The following ANOS1 variants were observed in gnomAD, a reference collection of about 807,000 sequenced individuals.
The protein encoded by ANOS1 is anosmin-1.
ANOS1 carries 6 observed loss-of-function variants against 59.0 expected under a neutral mutation model. That is an observed-to-expected ratio of 0.10 (90% CI 0.06 to 0.20). The LOEUF is 0.20. ANOS1 is among the 10% of genes least tolerant of loss of function. ANOS1 has a pLI of 1.00. For missense variants in ANOS1, 433 were observed against 542.3 expected (o/e 0.80, Z 2.00); for synonymous variants, 217 against 223.4 (o/e 0.97, Z 0.25).
chrX:8,540,198 C>CT (rs35088035), intron 9 of ANOS1, among the ~76,000 whole-genome samples: 184 of 110,239 alleles, frequency 1.7e-3, no homozygotes, highest in African/African-American at 5.3e-3. Context: ...TCAATCCTAC[C>CT]TTTTTTTTTG....
intron 2 of ANOS1, among the ~76,000 whole-genome samples, chrX:8,666,413 G>C (rs1178503156): frequency 9.0e-6 from 1 of 111,200 alleles, no homozygotes; most frequent in Non-Finnish European, 1.9e-5. Context: ...TCCCCAACCA[G>C]TATTAGATTA....
intron 2 of ANOS1, among the ~76,000 whole-genome samples, chrX:8,677,007 C>T (rs1283394473): frequency 8.9e-6 from 1 of 111,921 alleles, no homozygotes; most frequent in Non-Finnish European, 1.9e-5. Context: ...TCGCCTGAGA[C>T]CACACTGCCT....
chrX:8,605,322 G>T (rs1309266494), intron 3 of ANOS1, among the ~76,000 whole-genome samples: 1 of 111,084 alleles, frequency 9.0e-6, no homozygotes, highest in Admixed American at 9.7e-5. Context: ...AGAGCATGAA[G>T]ACAAGGTAGT....
At chrX:8,671,165 A>G (rs1034855791) in intron 2 of ANOS1, among the ~76,000 whole-genome samples, 1 of 111,687 alleles carries the variant, frequency 9.0e-6, no homozygotes, top group African/African-American at 3.3e-5. Context: ...TATACAGAAT[A>G]TAAAAGACTT....
intron 8 of ANOS1, among the ~76,000 whole-genome samples, chrX:8,563,313 C>T (rs1451220154): frequency 8.9e-6 from 1 of 112,369 alleles, no homozygotes; most frequent in Non-Finnish European, 1.9e-5. Context: ...AATTGGTCAG[C>T]TAAAGTATTA....
At chrX:8,631,425 C>T (rs1022629006) in intron 2 of ANOS1, among the ~76,000 whole-genome samples, 1 of 107,404 alleles carries the variant, frequency 9.3e-6, no homozygotes, top group Admixed American at 1.0e-4. Context: ...TACAAGCAAA[C>T]GTCAAAGATA....
intron 2 of ANOS1, among the ~76,000 whole-genome samples, chrX:8,673,962 C>G (rs1392895388): frequency 9.0e-6 from 1 of 111,102 alleles, no homozygotes; most frequent in Non-Finnish European, 1.9e-5. Flanking sequence ...ACACTAAGCT[C>G]TTTATCCCAG....
chrX:8,644,424 G>T (rs749744435), intron 2 of ANOS1, among the ~76,000 whole-genome samples: 12 of 109,011 alleles, frequency 1.1e-4, no homozygotes, highest in African/African-American at 4.0e-4. Context: ...GTAGCAATAA[G>T]ATACCCAACT....
intron 1 of ANOS1, among the ~76,000 whole-genome samples, chrX:8,726,979 A>C (rs1932926150): frequency 8.9e-6 from 1 of 112,080 alleles, no homozygotes; most frequent in African/African-American, 3.2e-5. Context: ...GCCACTCCAA[A>C]GTAGGTTTAA....
intron 6 of ANOS1, among the ~76,000 whole-genome samples, chrX:8,575,413 T>G (rs1930303837): frequency 8.9e-6 from 1 of 111,975 alleles, no homozygotes; most frequent in South Asian, 3.7e-4. Flanking sequence ...GTCACATGAA[T>G]ATTGCAGATA....
intron 1 of ANOS1, among the ~76,000 whole-genome samples, chrX:8,704,012 T>C (rs1410250668): frequency 1.8e-5 from 2 of 110,598 alleles, no homozygotes; most frequent in Non-Finnish European, 3.8e-5. Context: ...GGTAATTGAA[T>C]CATGGGGGCG....
intron 1 of ANOS1, among the ~76,000 whole-genome samples, chrX:8,729,482 G>T (rs1222903446): frequency 1.6e-4 from 14 of 84,993 alleles, no homozygotes; most frequent in Non-Finnish European, 2.8e-4. Flanking sequence ...CACTGCAACC[G>T]CTGCCTCCCG....
chrX:8,571,434 T>C (rs189080477), intron 6 of ANOS1, among the ~76,000 whole-genome samples: 2 of 111,860 alleles, frequency 1.8e-5, no homozygotes, highest in East Asian at 5.6e-4. Context: ...TAAAAGCAAT[T>C]GTTTTCATCT....
intron 6 of ANOS1, among the ~76,000 whole-genome samples, chrX:8,579,330 T>G (rs1209524004): frequency 9.0e-6 from 1 of 111,372 alleles, no homozygotes; most frequent in Non-Finnish European, 1.9e-5. Context: ...TGAACAATAA[T>G]GTAAAGCTCG....
At chrX:8,609,997 A>G (rs763207947) in intron 3 of ANOS1, among the ~76,000 whole-genome samples, 2 of 74,812 alleles carry the variant, frequency 2.7e-5, no homozygotes, top group African/African-American at 1.1e-4. Flanking sequence ...ACAGAGCAAG[A>G]CTCCATCTCA....
At position 8,641,248 on chromosome X, in the gene ANOS1, A is replaced by G. The variant is rs751221630; in HGVS notation, c.256-17578T>C. 2.7e-5 allele frequency among the ~76,000 whole-genome samples: 3 copies of G among 112,078 alleles called. No individual in the cohort carries two copies. The East Asian group carries it at 8.3e-4, about 31-fold the overall frequency. ...GACAGACACACACATGCATGCACAT[A>G]CACACAGCACAAAGAAACTAAAGCA... On this transcript the variant is annotated intron_variant, in intron 2 of 13. Transcript: ENST00000262648.
Position 8,576,485 on chromosome X carries a change from C to CACAT in ANOS1, c.857-5782_857-5781insATGT, listed in dbSNP as rs1310433093. Among the ~76,000 whole-genome samples the CACAT allele has an allele frequency of 7.1e-3, 740 of 104,172 alleles. 4 individuals are homozygous for CACAT. The highest frequency in any genetic ancestry group is 0.025 in the African/African-American group (661 of 26,491). 90.5% of individuals were successfully genotyped at this position (104,172 alleles called of 115,157 possible). A position where few individuals can be genotyped will look rare whatever the true frequency, so the allele number is the denominator to read the frequency against. On this transcript the variant is annotated intron_variant, in intron 6 of 13. Coordinates refer to ENST00000262648, the MANE Select transcript of ANOS1 (RefSeq NM_000216.4). ...ATATATATACACACACACACACACA[C>CACAT]ACACATACACACACACACACACACA... is the stretch of plus-strand genomic sequence containing the variant.
intron 6 of ANOS1, among the ~76,000 whole-genome samples, chrX:8,574,461 G>A (rs1345701877): frequency 9.0e-6 from 1 of 111,365 alleles, no homozygotes; most frequent in African/African-American, 3.3e-5. Flanking sequence ...CTGCCATGGA[G>A]ATTAACATTT....
chrX:8,646,932 CAAAA>C (rs775821235), intron 2 of ANOS1, among the ~76,000 whole-genome samples: 4 of 51,866 alleles, frequency 7.7e-5, no homozygotes, highest in African/African-American at 1.3e-4. Context: ...GAACCTGTCT[CAAAA>C]AAAAAAAAAA....
Sources: allele counts gnomAD v4.1 joint callset (sites outside exome capture counted in the v4.1 genomes callset), GRCh38; gene constraint gnomAD v4.1.1; transcripts MANE v1.5; gene names NCBI Gene and HGNC (gene_info 2026-07-23, HGNC 2026-07-21).